Variants in DNAH9 observed in about 807,000 individuals in gnomAD.
DNAH9 encodes the protein DNAH9 variant protein.
In DNAH9, 345 loss-of-function variants were observed where a neutral mutation model predicts 471.6. The ratio of observed to expected loss-of-function variants is 0.73; its 90% CI spans 0.67 to 0.80. The LOEUF (loss-of-function observed/expected upper bound fraction) is 0.80, where lower values mean the gene tolerates loss of function less well. Among genes scored for constraint, DNAH9 ranks in the 30% least tolerant of loss-of-function variants. The probability of loss-of-function intolerance (pLI) is 0.00; values close to 1 mark genes in which losing one functional copy is unlikely to be tolerated. For missense variants in DNAH9, 5,407 were observed against 5,609.2 expected (o/e 0.96, Z 1.15); for synonymous variants, 2,093 against 2,123.6 (o/e 0.99, Z 0.40).
At chr17:11,710,463 A>G (rs2074809709) in intron 26 of DNAH9, among the ~76,000 whole-genome samples, 3 of 152,190 alleles carry the variant, frequency 2.0e-5, no homozygotes, top group African/African-American at 7.2e-5. Flanking sequence ...TCTCACTAGT[A>G]GTTTATTAAA....
intron 50 of DNAH9, among the ~76,000 whole-genome samples, chr17:11,855,180 G>T (rs1971582372): frequency 6.6e-6 from 1 of 152,050 alleles, no homozygotes; most frequent in South Asian, 2.1e-4. Flanking sequence ...GGGATTACAG[G>T]TATGAGCCAC....
Position 11,701,925 on chromosome 17 carries a change from G to T in DNAH9, c.5151+678G>T, listed in dbSNP as rs537417513. 2.1e-4 allele frequency among the ~76,000 whole-genome samples: 32 copies of T among 152,160 alleles called. 1 individual carries two copies. In the South Asian group the frequency reaches 6.4e-3, roughly 31 times the overall value. On this transcript the variant is annotated intron_variant, in intron 24 of 68. Coordinates refer to ENST00000262442, the MANE Select transcript of DNAH9 (RefSeq NM_001372.4). The stretch of plus-strand genomic sequence containing the variant: ...TCAAACTCCTGAACTCAAGTGATCC[G>T]CCCACCTCGGCCTCCCAAAGTGCTG...
rs766349315 is a variant in DNAH9 at position 11,651,106 on chromosome 17, C to T, written c.2135C>T (p.Pro712Leu). 3 of 1,614,082 alleles carry T rather than the reference C, an allele frequency of 1.9e-6. No homozygotes were observed. In the South Asian group the frequency reaches 3.3e-5, roughly 18 times the overall value. ...SVLKEMSYLEPREMKHMPETA... is the reference protein window; with the variant it reads ...SVLKEMSYLELREMKHMPETA... ...CTGAAAGAAATGAGCTATCTTGAAC[C>T]CAGAGAGATGAAACACATGCCTGAG... The change falls in exon 13 of 69, where the codon CCC (proline) becomes CTC (leucine). Residue 712 changes from proline (P) to leucine (L), a missense_variant. Pro to Leu is a moderately conservative substitution (Grantham distance 98). This residue lies in a region of DNAH9 where 4,636 missense variants were observed against 4,900.3 expected (regional missense o/e 0.95). Coordinates refer to ENST00000262442, the MANE Select transcript of DNAH9 (RefSeq NM_001372.4).
At chr17:11,869,503 A>G (rs185740714) in intron 51 of DNAH9, among the ~76,000 whole-genome samples, 75 of 152,358 alleles carry the variant, frequency 4.9e-4, no homozygotes, top group Non-Finnish European at 6.9e-4. Flanking sequence ...AGCTCATGCA[A>G]AATGGTAACA....
rs3744587 is a variant in DNAH9, at chr17:11,881,506, T to C, written c.10806+93T>C. The C allele has an allele frequency of 0.25, 328,940 of 1,314,292 alleles. 44,032 individuals carry two copies. The highest frequency in any genetic ancestry group is 0.37 in the Admixed American group (14,738 of 39,688). 81.4% of individuals were successfully genotyped at this position (1,314,292 alleles called of 1,614,324 possible). A position where few individuals can be genotyped will look rare whatever the true frequency, so the allele number is the denominator to read the frequency against. Reference sequence around the variant, plus strand: ...GCAGAGGGGGGCTGTTTTTCCTGGATTGAGTTAGGTGGGTTCTGCTAGACT... The same window carrying C: ...GCAGAGGGGGGCTGTTTTTCCTGGACTGAGTTAGGTGGGTTCTGCTAGACT... On this transcript the variant is annotated intron_variant, in intron 55 of 68. Coordinates refer to ENST00000262442, the MANE Select transcript of DNAH9 (RefSeq NM_001372.4).
At chr17:11,762,772 T>TGTTGTTG (rs1324257423) in intron 35 of DNAH9, among the ~76,000 whole-genome samples, 6 of 107,574 alleles carry the variant, frequency 5.6e-5, no homozygotes, top group Non-Finnish European at 7.4e-5. Flanking sequence ...TTTTTTTTGT[T>TGTTGTTG]TTTTTTTTTT....
At chr17:11,917,336 T>C (rs1973990926) in intron 61 of DNAH9, among the ~76,000 whole-genome samples, 1 of 152,080 alleles carries the variant, frequency 6.6e-6, no homozygotes, top group South Asian at 2.1e-4. Context: ...TGTGTATTTT[T>C]AGTAGAGATG....
intron 41 of DNAH9, among the ~76,000 whole-genome samples, chr17:11,790,324 C>A (rs1346797427): frequency 1.3e-5 from 2 of 151,868 alleles, no homozygotes; most frequent in Non-Finnish European, 2.9e-5. Context: ...TTGTCATATT[C>A]ACTTTATATA....
At chr17:11,606,706 C>T (rs1421290023) in intron 1 of DNAH9, among the ~76,000 whole-genome samples, 1 of 151,934 alleles carries the variant, frequency 6.6e-6, no homozygotes, top group Non-Finnish European at 1.5e-5. Flanking sequence ...CCTCGGTATA[C>T]TGACAAGTTT....
rs2073406090 is a variant in DNAH9 at position 11,646,981 on chromosome 17, T to C, written c.1971-91T>C. The C allele has an allele frequency of 4.4e-6, 6 of 1,349,402 alleles. No homozygotes were observed. In the African/African-American group the frequency reaches 7.2e-5, roughly 16 times the overall value. 83.6% of individuals were successfully genotyped at this position (1,349,402 alleles called of 1,614,324 possible). ...CCAGCCTGGTTGGGTCAATGACTAGTAGTATCTTCAATTTATGTTACAGAT... is the reference window on the plus strand; with the variant it reads ...CCAGCCTGGTTGGGTCAATGACTAGCAGTATCTTCAATTTATGTTACAGAT... On this transcript the variant is annotated intron_variant, in intron 11 of 68. Coordinates refer to ENST00000262442, the MANE Select transcript of DNAH9 (RefSeq NM_001372.4).
chr17:11,763,992 A>G (rs1967828434), intron 36 of DNAH9, among the ~76,000 whole-genome samples: 1 of 152,066 alleles, frequency 6.6e-6, no homozygotes, highest in Non-Finnish European at 1.5e-5. Flanking sequence ...AGTGGAAGGA[A>G]ACCCTTCAGT....
At chr17:11,844,453 T>C (rs1400961618) in intron 49 of DNAH9, among the ~76,000 whole-genome samples, 34 of 152,322 alleles carry the variant, frequency 2.2e-4, no homozygotes, top group Admixed American at 2.2e-3. Context: ...TCACCCAGGC[T>C]GGAGTGCAAT....
intron 61 of DNAH9, among the ~76,000 whole-genome samples, chr17:11,921,315 T>C (rs1057096700): frequency 2.0e-5 from 3 of 150,660 alleles, no homozygotes; most frequent in African/African-American, 7.3e-5. Flanking sequence ...CTAGAAAAAA[T>C]GTTCCCCTTC....
rs2072553839 is a variant in DNAH9, at chr17:11,608,326, G to A, written c.614+1G>A. The A allele has an allele frequency of 2.5e-6, 4 of 1,597,884 alleles. No individual in the cohort carries two copies. The highest frequency in any genetic ancestry group is 1.7e-5 in the Admixed American group (1 of 59,770). Reference sequence around the variant, plus strand: ...TTGCGGATTCCAAAAGTGAGACAGTGTAAGTACCGCCAGCCTGGCCATATG... The same window carrying A: ...TTGCGGATTCCAAAAGTGAGACAGTATAAGTACCGCCAGCCTGGCCATATG... On this transcript the variant is annotated splice_donor_variant, in intron 2 of 68. Coordinates refer to ENST00000262442, the MANE Select transcript of DNAH9 (RefSeq NM_001372.4). LOFTEE classifies it high-confidence loss of function.
intron 63 of DNAH9, among the ~76,000 whole-genome samples, chr17:11,931,285 T>C (rs539045956): frequency 1.3e-5 from 2 of 152,192 alleles, no homozygotes; most frequent in Non-Finnish European, 2.9e-5. Flanking sequence ...TACCAGTGCA[T>C]CTCAGGTTTC....
chr17:11,946,663 C>CAA (rs754149437), intron 67 of DNAH9, among the ~76,000 whole-genome samples: 23,072 of 67,464 alleles, frequency 0.34, 2,911 homozygotes, highest in Non-Finnish European at 0.42. Context: ...GACTCCATCT[C>CAA]AAAAAAAAAA....
intron 17 of DNAH9, among the ~76,000 whole-genome samples, chr17:11,677,836 A>G (rs183241611): frequency 5.9e-4 from 89 of 152,026 alleles, no homozygotes; most frequent in Middle Eastern, 6.8e-3. Context: ...TACCACTGCT[A>G]TTTTAATAAG....
At chr17:11,863,152 T>C (rs1340107891) in intron 50 of DNAH9, among the ~76,000 whole-genome samples, 1 of 152,216 alleles carries the variant, frequency 6.6e-6, no homozygotes, top group Non-Finnish European at 1.5e-5. Flanking sequence ...ATATTGGCTG[T>C]GGATTTGTCA....
intron 28 of DNAH9, among the ~76,000 whole-genome samples, chr17:11,738,117 G>A (rs1367519742): frequency 6.6e-6 from 1 of 152,260 alleles, no homozygotes; most frequent in East Asian, 1.9e-4. Context: ...GTGGCTTTGG[G>A]CAAGTGTTTC....
Sources: allele counts gnomAD v4.1 joint callset (sites outside exome capture counted in the v4.1 genomes callset), GRCh38; gene constraint gnomAD v4.1.1; regional missense constraint gnomAD v4.1.1; transcripts MANE v1.5; gene names NCBI Gene and HGNC (gene_info 2026-07-23, HGNC 2026-07-21).